Variants in NUP98 observed in about 807,000 individuals in gnomAD.
NUP98 encodes nuclear pore complex protein Nup98-Nup96.
Under a neutral mutation model 191.9 loss-of-function variants are expected in NUP98, and 26 were observed. The observed-to-expected ratio is 0.14, with a 90% CI of 0.10 to 0.19. The LOEUF is 0.19. Ranked by LOEUF, NUP98 falls within the 10% of genes least tolerant of loss-of-function variation. The probability of loss-of-function intolerance (pLI) is 1.00; values close to 1 mark genes in which losing one functional copy is unlikely to be tolerated. For synonymous variants in NUP98, 808 were observed against 778.4 expected (o/e 1.04, Z -0.63); for missense variants, 1,941 against 2,178.8 (o/e 0.89, Z 2.17).
chr11:3,735,127 C>A, intron 13 of NUP98, 64 bp downstream of exon 13: 1 of 1,431,594 alleles, frequency 7.0e-7, no homozygotes, highest in Admixed American at 2.6e-5. Context: ...CAAAAAATTA[C>A]ATTCTGCACA....
At chr11:3,731,912 AGTTTTGGATTTTGGAGC>A (rs1298558694) in intron 13 of NUP98, among the ~76,000 whole-genome samples, 4 of 152,158 alleles carry the variant, frequency 2.6e-5, no homozygotes, top group African/African-American at 9.7e-5. Context: ...GTCAGTGCAA[AGTTTTGGATTTTGGAGC>A]ATTTTGGATT....
At chr11:3,747,716 G>C (rs1348037267) in intron 11 of NUP98, among the ~76,000 whole-genome samples, 1 of 152,178 alleles carries the variant, frequency 6.6e-6, no homozygotes, top group Non-Finnish European at 1.5e-5. Flanking sequence ...GCTTGAGTTT[G>C]AATCACCATC....
chr11:3,702,462 C>T lies in NUP98; in HGVS notation c.3512+1G>A, dbSNP rs764195981. On this transcript the variant is annotated splice_donor_variant, in intron 23 of 32. Transcript: ENST00000324932. LOFTEE classifies it high-confidence loss of function. ...AAAAAGCATCAAGAAATGTGACTCACGGTTTAACAGCTACTGGATTGGGCA... is the reference window on the plus strand; with the variant it reads ...AAAAAGCATCAAGAAATGTGACTCATGGTTTAACAGCTACTGGATTGGGCA... 1 of 1,610,260 alleles carries T rather than the reference C, an allele frequency of 6.2e-7. No homozygotes were observed. Among genetic ancestry groups the T allele is most frequent in the Non-Finnish European group, 8.5e-7 (1 of 1,177,520 alleles).
At chr11:3,781,814 T>G (rs933317090) in intron 2 of NUP98, among the ~76,000 whole-genome samples, 4 of 152,136 alleles carry the variant, frequency 2.6e-5, no homozygotes, top group African/African-American at 9.7e-5. Context: ...ATATAAATAT[T>G]TTAAGTATCT....
intron 16 of NUP98, 40 bp downstream of exon 16, chr11:3,723,117 G>T (rs2079465772): frequency 1.9e-6 from 3 of 1,577,530 alleles, no homozygotes; most frequent in South Asian, 1.1e-5. Context: ...CATCTCGAAT[G>T]ACTGGTAAGA....
At chr11:3,711,633 G>C (rs2079025252) in intron 20 of NUP98, 1 of 173,558 alleles carries the variant, frequency 5.8e-6, no homozygotes, top group African/African-American at 2.4e-5. Flanking sequence ...ATGATACAAA[G>C]CATATGACAG....
chr11:3,696,967 G>A (rs1442692354), intron 25 of NUP98: 1 of 152,120 alleles, frequency 6.6e-6, no homozygotes, highest in Non-Finnish European at 1.5e-5. Flanking sequence ...ACAGCCCTAA[G>A]AATCTGACTC....
rs562093273 is a variant in NUP98, at chr11:3,756,114, T to G, written c.1175-2706A>C. ...CTGCCTACTCAAGCATCATCAATTTTCCTTGATGAAAACACAAAAAATGTA... is the reference window on the plus strand; with the variant it reads ...CTGCCTACTCAAGCATCATCAATTTGCCTTGATGAAAACACAAAAAATGTA... On this transcript the variant is annotated intron_variant, in intron 10 of 32. Transcript: ENST00000324932. 5.3e-5 allele frequency among the ~76,000 whole-genome samples: 8 copies of G among 152,312 alleles called. No homozygotes were observed. The East Asian group carries it at 1.3e-3, about 26-fold the overall frequency.
At chr11:3,779,687 A>G (rs1239842485) in intron 2 of NUP98, among the ~76,000 whole-genome samples, 1 of 152,214 alleles carries the variant, frequency 6.6e-6, no homozygotes, top group East Asian at 1.9e-4. Context: ...GTCTAATTAA[A>G]AACATTTTTT....
chr11:3,778,316 G>A (rs2081826778), intron 4 of NUP98, among the ~76,000 whole-genome samples: 1 of 152,056 alleles, frequency 6.6e-6, no homozygotes, highest in African/African-American at 2.4e-5. Context: ...TGAACTAGCA[G>A]TGGTTGGCTC....
At chr11:3,733,564 G>A (rs1215703338) in intron 13 of NUP98, among the ~76,000 whole-genome samples, 5 of 152,010 alleles carry the variant, frequency 3.3e-5, no homozygotes, top group East Asian at 1.9e-4. Flanking sequence ...TCCCCACCTC[G>A]GCCTCCCAAA....
chr11:3,693,413 C>T (rs2078385053), intron 26 of NUP98, 38 bp from the exon 27 acceptor site: 1 of 1,608,096 alleles, frequency 6.2e-7, no homozygotes, highest in Non-Finnish European at 8.5e-7. Context: ...CTATATTCTA[C>T]CTTGTTATTA....
In NUP98 at chr11:3,719,425, C is replaced by T. The variant is rs771685999; in HGVS notation, c.2386G>A (p.Glu796Lys). ...LDDNQKPPVG[E>K]GLNRKAEVTL... Reference sequence around the variant, plus strand: ...ATAAACTCTTACCTATTTAGCCCTTCACCCACAGGTGGTTTTTGGTTATCA... The same window carrying T: ...ATAAACTCTTACCTATTTAGCCCTTTACCCACAGGTGGTTTTTGGTTATCA... Residue 796 changes from glutamate to lysine, a missense_variant, in exon 18 of 33, where the codon GAA becomes AAA. Around this residue, in one of 6 missense-constraint regions of NUP98, gnomAD observed 95 missense variants for 139.7 expected, o/e 0.68. Transcript: ENST00000324932. 9 of 1,596,012 alleles carry T rather than the reference C, an allele frequency of 5.6e-6. No homozygotes were observed. The highest frequency in any genetic ancestry group is 7.7e-6 in the Non-Finnish European group (9 of 1,174,908).
intron 1 of NUP98, among the ~76,000 whole-genome samples, chr11:3,783,702 A>T (rs1264932864): frequency 6.6e-6 from 1 of 151,524 alleles, no homozygotes; most frequent in Non-Finnish European, 1.5e-5. Flanking sequence ...TCTGTCTCAA[A>T]AACAAAAACA....
chr11:3,777,890 C>T (rs1021108749), intron 4 of NUP98, among the ~76,000 whole-genome samples: 2 of 151,856 alleles, frequency 1.3e-5, no homozygotes, highest in Non-Finnish European at 2.9e-5. Flanking sequence ...ATACAAACAA[C>T]TTTCCCTCTG....
intron 6 of NUP98, among the ~76,000 whole-genome samples, chr11:3,772,304 T>A (rs2081555943): frequency 6.6e-6 from 1 of 152,106 alleles, no homozygotes; most frequent in Admixed American, 6.5e-5. Context: ...GGGCAAAAAA[T>A]TTAGAAAATA....
chr11:3,734,823 T>C (rs372926163), intron 13 of NUP98, among the ~76,000 whole-genome samples: 35 of 152,296 alleles, frequency 2.3e-4, no homozygotes, highest in African/African-American at 7.0e-4. Context: ...TCCCAGCACG[T>C]TGGGAGACCG....
intron 14 of NUP98, among the ~76,000 whole-genome samples, chr11:3,726,930 TA>T (rs894957706): frequency 1.3e-5 from 2 of 151,794 alleles, no homozygotes; most frequent in Non-Finnish European, 2.9e-5. Context: ...TCTGGCTAAT[TA>T]AAAAAAAATT....
intron 10 of NUP98, among the ~76,000 whole-genome samples, chr11:3,758,263 G>A (rs1404004859): frequency 6.6e-6 from 1 of 151,518 alleles, no homozygotes; most frequent in African/African-American, 2.4e-5. Flanking sequence ...AGGGCTTGCA[G>A]TGAGCCCATA....
Sources: gnomAD v4.1 joint callset for allele counts (sites outside exome capture counted in the v4.1 genomes callset) on GRCh38, gnomAD v4.1.1 for gene constraint, gnomAD v4.1.1 regional missense constraint, MANE v1.5 for transcripts, NCBI Gene and HGNC (gene_info 2026-07-23, HGNC 2026-07-21) for gene names.